Variants in HMBOX1 observed in about 807,000 individuals in gnomAD.
The protein encoded by HMBOX1 is homeobox containing 1.
In HMBOX1, 14 loss-of-function variants were observed where a neutral mutation model predicts 54.5. The observed-to-expected ratio is 0.26, with a 90% CI of 0.17 to 0.40. The LOEUF is 0.40. HMBOX1 is among the 10% of genes least tolerant of loss of function. The probability of loss-of-function intolerance (pLI) is 1.00; values close to 1 mark genes in which losing one functional copy is unlikely to be tolerated. For missense variants in HMBOX1, 332 were observed against 514.4 expected, an observed-to-expected ratio of 0.65 and a Z score of 3.43; for synonymous variants, 160 against 181.0, an observed-to-expected ratio of 0.88 and a Z score of 0.93.
intron 6 of HMBOX1, among the ~76,000 whole-genome samples, chr8:29,022,310 C>T (rs1031706890): frequency 2.6e-5 from 4 of 152,040 alleles, no homozygotes; most frequent in Admixed American, 6.6e-5. Flanking sequence ...CCCAGCCACT[C>T]GGGAGGCTGA....
chr8:28,915,588 G>A (rs1585759145), intron 1 of HMBOX1: 1 of 148,742 alleles, frequency 6.7e-6, no homozygotes, highest in African/African-American at 2.5e-5. Flanking sequence ...AAGAGACAGA[G>A]TCCTGCTCTG....
At chr8:28,901,756 C>T (rs767422503) in intron 1 of HMBOX1, among the ~76,000 whole-genome samples, 4 of 152,154 alleles carry the variant, frequency 2.6e-5, no homozygotes, top group Non-Finnish European at 5.9e-5. Flanking sequence ...ATTTCCTTTC[C>T]TCCCTTTTCC....
chr8:28,944,268 AC>A (rs1822002168), intron 1 of HMBOX1, among the ~76,000 whole-genome samples: 1 of 152,224 alleles, frequency 6.6e-6, no homozygotes, highest in Non-Finnish European at 1.5e-5. Flanking sequence ...TATGAATCCA[AC>A]AAGCATTTTT....
chr8:28,913,855 C>CT (rs1304959910), intron 1 of HMBOX1, among the ~76,000 whole-genome samples: 2,866 of 101,318 alleles, frequency 0.028, 79 homozygotes, highest in African/African-American at 0.051. Context: ...TCAAGTGATT[C>CT]TTTTTTTTTT....
intron 3 of HMBOX1, among the ~76,000 whole-genome samples, chr8:28,975,441 T>G (rs1288838988): frequency 2.6e-5 from 4 of 152,210 alleles, no homozygotes; most frequent in African/African-American, 9.6e-5. Context: ...GCATAACTGA[T>G]GAATTCATCC....
chr8:28,992,781 A>T (rs575640266), intron 4 of HMBOX1, among the ~76,000 whole-genome samples: 17 of 147,504 alleles, frequency 1.2e-4, no homozygotes, highest in Admixed American at 3.5e-4. Flanking sequence ...GAGGCAGGAG[A>T]ATCGTGTGAA....
At chr8:28,897,743 A>G (rs1228631884) in intron 1 of HMBOX1, among the ~76,000 whole-genome samples, 2 of 152,250 alleles carry the variant, frequency 1.3e-5, no homozygotes, top group African/African-American at 2.4e-5. Flanking sequence ...GTTTGTTGCT[A>G]GAGAGGATAT....
At chr8:28,898,518 G>C (rs1812601167) in intron 1 of HMBOX1, among the ~76,000 whole-genome samples, 1 of 152,216 alleles carries the variant, frequency 6.6e-6, no homozygotes, top group Non-Finnish European at 1.5e-5. Context: ...AGAGTGACTA[G>C]ACCTTGTGTG....
chr8:29,042,069 C>T (rs940389796), intron 6 of HMBOX1, among the ~76,000 whole-genome samples: 1 of 152,160 alleles, frequency 6.6e-6, no homozygotes, highest in African/African-American at 2.4e-5. Flanking sequence ...GATTGTAAGA[C>T]ACACCTTAGT....
chr8:29,008,483 C>T (rs1350355741), intron 4 of HMBOX1, among the ~76,000 whole-genome samples: 1 of 152,118 alleles, frequency 6.6e-6, no homozygotes, highest in Non-Finnish European at 1.5e-5. Flanking sequence ...GCATACATAA[C>T]TCTAAAAGTC....
At chr8:29,044,433 G>A (rs779074735) in intron 6 of HMBOX1, among the ~76,000 whole-genome samples, 5 of 152,048 alleles carry the variant, frequency 3.3e-5, no homozygotes, top group Non-Finnish European at 7.4e-5. Flanking sequence ...AGTCTGATGG[G>A]TCTGAGAATT....
chr8:28,965,250 C>T (rs1304672727), intron 2 of HMBOX1, among the ~76,000 whole-genome samples: 1 of 152,236 alleles, frequency 6.6e-6, no homozygotes, highest in African/African-American at 2.4e-5. Context: ...CCAGTTTTCT[C>T]ATTCCACACC....
rs1827886372 is a variant in HMBOX1, at chr8:28,973,813, T to TTTTTTGTTTTTG, written c.500+3299_500+3300insGTTTTTGTTTTT. Among the ~76,000 whole-genome samples, 9 of 35,058 alleles carry TTTTTTGTTTTTG rather than the reference T, an allele frequency of 2.6e-4. No individual in the cohort carries two copies. The East Asian group carries it at 2.6e-3, about 10-fold the overall frequency. 23.0% of individuals were successfully genotyped at this position (35,058 alleles called of 152,430 possible). On this transcript the variant is annotated intron_variant, in intron 3 of 9. Transcript: ENST00000287701. ...GAGATACATAATGGAGTTTTTTTTT[T>TTTTTTGTTTTTG]TTTTTTTTTTTTTTTTTTTTTGAGA...
intron 2 of HMBOX1, among the ~76,000 whole-genome samples, chr8:28,967,348 G>T (rs932538562): frequency 6.6e-6 from 1 of 152,170 alleles, no homozygotes; most frequent in South Asian, 2.1e-4. Context: ...AATAGTCAAT[G>T]AATCTGAAAT....
chr8:29,027,718 A>G (rs1802283688), intron 6 of HMBOX1, among the ~76,000 whole-genome samples: 1 of 152,218 alleles, frequency 6.6e-6, no homozygotes, highest in South Asian at 2.1e-4. Flanking sequence ...TAGAAGCAAT[A>G]GAATATAGTG....
chr8:28,893,513 G>A (rs186259083), intron 1 of HMBOX1, among the ~76,000 whole-genome samples: 5 of 152,218 alleles, frequency 3.3e-5, no homozygotes, highest in African/African-American at 4.8e-5. Flanking sequence ...TCACAAATAC[G>A]CATCAAGGAA....
intron 5 of HMBOX1, chr8:29,010,298 G>T (rs1469370819): frequency 5.7e-6 from 2 of 351,832 alleles, no homozygotes; most frequent in Non-Finnish European, 8.0e-6. Context: ...AGTGGCTCAC[G>T]CCTGTAATCC....
chr8:28,919,325 T>C (rs939219941), intron 1 of HMBOX1, among the ~76,000 whole-genome samples: 1 of 152,242 alleles, frequency 6.6e-6, no homozygotes, highest in Non-Finnish European at 1.5e-5. Context: ...TATTGTATTA[T>C]AGCCAACACA....
At chr8:28,986,942 T>C (rs940843593) in intron 4 of HMBOX1, among the ~76,000 whole-genome samples, 1 of 152,122 alleles carries the variant, frequency 6.6e-6, no homozygotes, top group Non-Finnish European at 1.5e-5. Flanking sequence ...AAGTGAGGAA[T>C]TGGAGTGGAA....
Sources: gnomAD v4.1 joint callset for allele counts (sites outside exome capture counted in the v4.1 genomes callset) on GRCh38, gnomAD v4.1.1 for gene constraint, MANE v1.5 for transcripts, NCBI Gene and HGNC (gene_info 2026-07-23, HGNC 2026-07-21) for gene names.